Variants in IGF1R observed in about 807,000 individuals in gnomAD.
The protein encoded by IGF1R is insulin like growth factor 1 receptor.
IGF1R carries 44 observed loss-of-function variants against 144.6 expected under a neutral mutation model. That is an observed-to-expected ratio of 0.30 (90% CI 0.24 to 0.39). IGF1R has a LOEUF of 0.39. Ranked by LOEUF, IGF1R falls within the 10% of genes least tolerant of loss-of-function variation. IGF1R has a pLI of 1.00. For missense variants in IGF1R, 1,355 were observed against 1,833.7 expected, an observed-to-expected ratio of 0.74 and a Z score of 4.77; for synonymous variants, 795 against 722.8, an observed-to-expected ratio of 1.10 and a Z score of -1.60.
chr15:98,722,374 C>A (rs1352516658), intron 2 of IGF1R, among the ~76,000 whole-genome samples: 1 of 152,196 alleles, frequency 6.6e-6, no homozygotes, highest in Non-Finnish European at 1.5e-5. Flanking sequence ...GAAATGTCCA[C>A]ACTTGCTCAG....
chr15:98,799,181 T>C (rs1347334781), intron 2 of IGF1R, among the ~76,000 whole-genome samples: 1 of 152,136 alleles, frequency 6.6e-6, no homozygotes, highest in African/African-American at 2.4e-5. Flanking sequence ...CTGTATTCAT[T>C]ATATCTGTAT....
rs575102704 is a variant in IGF1R, at chr15:98,836,687, TTCAGTCCCAACATCCTTCA to T, written c.641-54636_641-54618del. Among the ~76,000 whole-genome samples the T allele has an allele frequency of 1.5e-4, 23 of 152,328 alleles. No individual in the cohort carries two copies. In the South Asian group the frequency reaches 4.8e-3, roughly 32 times the overall value. ...ACCAGTTTTCCCACTAATATCCTTT[TTCAGTCCCAACATCCTTCA>T]TTGTGTTTACTTACTATATCTAGTC... On this transcript the variant is annotated intron_variant, in intron 2 of 20. Coordinates refer to ENST00000650285, the MANE Select transcript of IGF1R (RefSeq NM_000875.5).
At chr15:98,694,307 G>A (rs1244146488) in intron 1 of IGF1R, among the ~76,000 whole-genome samples, 1 of 152,132 alleles carries the variant, frequency 6.6e-6, no homozygotes, top group African/African-American at 2.4e-5. Context: ...ATTCATTCTT[G>A]TGTTCCTGGC....
Position 98,682,196 on chromosome 15 carries a change from G to A in IGF1R, c.95-25366G>A, listed in dbSNP as rs74032514. Among the ~76,000 whole-genome samples, 678 of 152,242 alleles carry A rather than the reference G, an allele frequency of 4.5e-3. 3 individuals are homozygous for A. Among genetic ancestry groups the A allele is most frequent in the African/African-American group, 0.015 (633 of 41,542 alleles). On this transcript the variant is annotated intron_variant, in intron 1 of 20. Transcript: ENST00000650285. ...TTGGAAATGATTTTGAGTAACTTCC[G>A]TCTCCTAAATCATATTAGGACTCTT...
At chr15:98,842,140 T>C (rs2011185127) in intron 2 of IGF1R, among the ~76,000 whole-genome samples, 1 of 152,228 alleles carries the variant, frequency 6.6e-6, no homozygotes, top group Admixed American at 6.5e-5. Context: ...CCTTCACCTC[T>C]GTCCCCAGAA....
At chr15:98,857,041 T>C (rs1567164003) in intron 2 of IGF1R, among the ~76,000 whole-genome samples, 1 of 152,086 alleles carries the variant, frequency 6.6e-6, no homozygotes, top group Non-Finnish European at 1.5e-5. Context: ...GGAAGAAAGA[T>C]ATTCTACAAT....
At chr15:98,803,498 T>TTTTATTATTTA (rs2056405336) in intron 2 of IGF1R, among the ~76,000 whole-genome samples, 2 of 144,610 alleles carry the variant, frequency 1.4e-5, no homozygotes, top group Non-Finnish European at 3.0e-5. Flanking sequence ...GAATATTACA[T>TTTTATTATTTA]TTTATTTATT....
chr15:98,895,235 C>G (rs200285597), intron 3 of IGF1R, among the ~76,000 whole-genome samples: 377 of 51,738 alleles, frequency 7.3e-3, no homozygotes, highest in Non-Finnish European at 0.016. Context: ...CACACACACA[C>G]ACACACACAC....
intron 2 of IGF1R, among the ~76,000 whole-genome samples, chr15:98,789,140 A>G (rs1005691258): frequency 2.0e-5 from 3 of 152,062 alleles, no homozygotes; most frequent in African/African-American, 7.2e-5. Context: ...CATACCTTAA[A>G]CTTAACTCAG....
chr15:98,783,264 G>A (rs2055900216), intron 2 of IGF1R, among the ~76,000 whole-genome samples: 1 of 152,196 alleles, frequency 6.6e-6, no homozygotes, highest in African/African-American at 2.4e-5. Context: ...CGTTAATATA[G>A]TAAGGATATA....
chr15:98,855,590 G>C (rs1461517540), intron 2 of IGF1R, among the ~76,000 whole-genome samples: 1 of 151,946 alleles, frequency 6.6e-6, no homozygotes, highest in Non-Finnish European at 1.5e-5. Flanking sequence ...TTATACTTTT[G>C]TACCCCCGCT....
At chr15:98,884,511 G>A (rs1258393753) in intron 2 of IGF1R, among the ~76,000 whole-genome samples, 2 of 151,840 alleles carry the variant, frequency 1.3e-5, no homozygotes, top group African/African-American at 2.4e-5. Flanking sequence ...TGGGTAACAC[G>A]GTGAAACCCT....
intron 2 of IGF1R, among the ~76,000 whole-genome samples, chr15:98,865,972 A>C (rs984427804): frequency 7.2e-5 from 11 of 152,246 alleles, no homozygotes; most frequent in African/African-American, 2.4e-4. Context: ...CCTCGCAGGC[A>C]GGAGGAGGCT....
intron 2 of IGF1R, among the ~76,000 whole-genome samples, chr15:98,725,409 TAG>T (rs1425288647): frequency 6.6e-6 from 1 of 152,224 alleles, no homozygotes; most frequent in African/African-American, 2.4e-5. Context: ...AATCTGTGGT[TAG>T]AACTCTCAGA....
intron 1 of IGF1R, among the ~76,000 whole-genome samples, chr15:98,699,933 T>C (rs750483567): frequency 7.2e-5 from 11 of 152,174 alleles, no homozygotes; most frequent in Non-Finnish European, 1.2e-4. Flanking sequence ...TTATTGAATG[T>C]GTTAGGTGGC....
At chr15:98,705,335 C>T (rs1250750461) in intron 1 of IGF1R, among the ~76,000 whole-genome samples, 3 of 152,184 alleles carry the variant, frequency 2.0e-5, no homozygotes, top group South Asian at 2.1e-4. Context: ...GAAGCTCAGT[C>T]GGAGTGGGTT....
chr15:98,697,902 T>A (rs2053633407), intron 1 of IGF1R, among the ~76,000 whole-genome samples: 1 of 151,820 alleles, frequency 6.6e-6, no homozygotes, highest in Non-Finnish European at 1.5e-5. Flanking sequence ...CATGCCTGGC[T>A]AACTTTTGTA....
chr15:98,651,677 G>C (rs1264531207), intron 1 of IGF1R, among the ~76,000 whole-genome samples: 1 of 152,182 alleles, frequency 6.6e-6, no homozygotes, highest in Non-Finnish European at 1.5e-5. Flanking sequence ...CTTTGTGCAA[G>C]ACGGCGATTT....
chr15:98,850,431 G>C (rs1355270412), intron 2 of IGF1R, among the ~76,000 whole-genome samples: 1 of 152,208 alleles, frequency 6.6e-6, no homozygotes, highest in African/African-American at 2.4e-5. Flanking sequence ...ACACCTGGGG[G>C]GGGCACCACC....
Sources: gnomAD v4.1 joint callset for allele counts (sites outside exome capture counted in the v4.1 genomes callset) on GRCh38, gnomAD v4.1.1 for gene constraint, MANE v1.5 for transcripts, NCBI Gene and HGNC (gene_info 2026-07-23, HGNC 2026-07-21) for gene names.